The following TNRC6B variants were observed in gnomAD, a reference collection of about 807,000 sequenced individuals.
TNRC6B encodes the protein trinucleotide repeat containing adaptor 6B.
TNRC6B carries 52 observed loss-of-function variants against 203.6 expected under a neutral mutation model. The observed-to-expected ratio is 0.26, with a 90% CI of 0.20 to 0.32. The LOEUF is 0.32. Ranked by LOEUF, TNRC6B falls within the 10% of genes least tolerant of loss-of-function variation. The pLI, the probability that TNRC6B is intolerant of heterozygous loss-of-function variation, is 1.00. For synonymous variants in TNRC6B, 838 were observed against 845.7 expected (o/e 0.99, Z 0.16); for missense variants, 1,923 against 2,286.2 (o/e 0.84, Z 3.24).
At chr22:40,176,964 G>A (rs1287475795), upstream of TNRC6B, among the ~76,000 whole-genome samples, 1 of 152,188 alleles carries the variant, frequency 6.6e-6, no homozygotes, top group Non-Finnish European at 1.5e-5. Flanking sequence ...GGCTACCAAT[G>A]AGAAAACGGA....
At chr22:40,246,555 TG>T (rs2070110037) in intron 2 of TNRC6B, among the ~76,000 whole-genome samples, 1 of 152,158 alleles carries the variant, frequency 6.6e-6, no homozygotes, top group Non-Finnish European at 1.5e-5. Flanking sequence ...TATTTGGAAG[TG>T]GGAGAAAGTT....
chr22:40,278,998 C>T (rs1048076378), intron 9 of TNRC6B, among the ~76,000 whole-genome samples: 1 of 152,372 alleles, frequency 6.6e-6, no homozygotes, highest in East Asian at 1.9e-4. Context: ...TCCTCGCCTT[C>T]CCAAAGTGCT....
At chr22:40,144,366 CACT>C (rs1298185718) in intron 3 of TNRC6B, among the ~76,000 whole-genome samples, 2 of 152,160 alleles carry the variant, frequency 1.3e-5, no homozygotes, top group African/African-American at 4.8e-5. Context: ...TGCAGTGGAA[CACT>C]ACTAAGTTTA....
intron 15 of TNRC6B, among the ~76,000 whole-genome samples, chr22:40,302,260 C>A (rs148157428): frequency 1.1e-3 from 173 of 152,120 alleles, no homozygotes; most frequent in African/African-American, 4.0e-3. Flanking sequence ...GAAAAGATAC[C>A]ACACACCATC....
At chr22:40,166,777 C>A (rs1601853855) in intron 4 of TNRC6B, among the ~76,000 whole-genome samples, 1 of 152,044 alleles carries the variant, frequency 6.6e-6, no homozygotes, top group South Asian at 2.1e-4. Flanking sequence ...CATCTGTAAT[C>A]CCAGCTACTC....
At chr22:40,315,805 G>A in intron 20 of TNRC6B, 137 bp from the exon 21 acceptor site, 4 of 717,750 alleles carry the variant, frequency 5.6e-6, no homozygotes, top group Non-Finnish European at 9.3e-6. Context: ...AAGAGAAAAA[G>A]AAGGTCAGAG....
In TNRC6B at chr22:40,252,036, A is replaced by G. The variant is rs117837381; in HGVS notation, c.115+836A>G. Among the ~76,000 whole-genome samples the G allele has an allele frequency of 1.2e-3, 181 of 152,282 alleles. 3 individuals are homozygous for G. The highest frequency in any genetic ancestry group is 3.8e-3 in the African/African-American group (157 of 41,548). Reference sequence around the variant, plus strand: ...GTGCCCCTTGGGTCATTCTCAATCTAATAGTCCATGTTGTTTTGGCTTCTT... The same window carrying G: ...GTGCCCCTTGGGTCATTCTCAATCTGATAGTCCATGTTGTTTTGGCTTCTT... On this transcript the variant is annotated intron_variant, in intron 3 of 22. Transcript: ENST00000454349.
At chr22:40,154,184 C>T (rs575053708) in intron 3 of TNRC6B, among the ~76,000 whole-genome samples, 2 of 152,152 alleles carry the variant, frequency 1.3e-5, no homozygotes, top group Non-Finnish European at 2.9e-5. Context: ...AAAGCATGGG[C>T]TGGGCGCATT....
chr22:40,233,134 T>C (rs5750908), intron 1 of TNRC6B, among the ~76,000 whole-genome samples: 49,314 of 150,832 alleles, frequency 0.33, 9,635 homozygotes, highest in East Asian at 0.57. Flanking sequence ...CAGAGTAAGA[T>C]TCCGTCTCAA....
Position 40,276,349 on chromosome 22 carries a change from A to C in TNRC6B, c.3142-728A>C, listed in dbSNP as rs150515334. ...GTGACAGAGAAAAAAAAAAAAAAAG[A>C]TAGCTATCATCACAACATAGAGAAT... On this transcript the variant is annotated intron_variant, in intron 7 of 22. Coordinates refer to ENST00000454349, the MANE Select transcript of TNRC6B (RefSeq NM_001162501.2). 5.1e-3 allele frequency among the ~76,000 whole-genome samples: 780 copies of C among 151,736 alleles called. 5 individuals carry two copies. The highest frequency in any genetic ancestry group is 0.018 in the African/African-American group (748 of 41,416).
Position 40,323,280 on chromosome 22 carries a change from G to C in TNRC6B, c.*39G>C. 3 of 1,577,842 alleles carry C rather than the reference G, an allele frequency of 1.9e-6. No homozygotes were observed. Among genetic ancestry groups the C allele is most frequent in the Non-Finnish European group, 2.6e-6 (3 of 1,168,506 alleles). On this transcript the variant is annotated 3_prime_UTR_variant, in exon 23 of 23. Transcript: ENST00000454349. The stretch of plus-strand genomic sequence containing the variant: ...AACTCTGACCTCGTGACCTTTTTTG[G>C]AACAGCAGCAGCACTAACTTGACCT...
At chr22:40,286,769 G>A (rs955479803) in intron 12 of TNRC6B, among the ~76,000 whole-genome samples, 2 of 152,314 alleles carry the variant, frequency 1.3e-5, no homozygotes, top group Admixed American at 6.5e-5. Context: ...AAAGGTGAGA[G>A]ATTTGTGTTA....
intron 1 of TNRC6B, among the ~76,000 whole-genome samples, chr22:40,222,987 G>GCCAC (rs2069735240): frequency 6.6e-6 from 1 of 151,726 alleles, no homozygotes; most frequent in Non-Finnish European, 1.5e-5. Context: ...ACTTGAGCAG[G>GCCAC]CCACCCGCCT....
chr22:40,148,528 C>T (rs1340932302), intron 3 of TNRC6B, among the ~76,000 whole-genome samples: 3 of 152,054 alleles, frequency 2.0e-5, no homozygotes, highest in Non-Finnish European at 2.9e-5. Context: ...GTGATCTGCC[C>T]GCCTTGCCCC....
At chr22:40,259,501 C>T (rs1001871330) in intron 3 of TNRC6B, among the ~76,000 whole-genome samples, 7 of 152,150 alleles carry the variant, frequency 4.6e-5, no homozygotes, top group African/African-American at 1.7e-4. Flanking sequence ...GGATTACAGG[C>T]GTGAGCCATC....
At chr22:40,137,135 A>C (rs906859061) in intron 3 of TNRC6B, among the ~76,000 whole-genome samples, 1 of 152,256 alleles carries the variant, frequency 6.6e-6, no homozygotes, top group Non-Finnish European at 1.5e-5. Context: ...TAGGGGATGC[A>C]GAGAAAAAAG....
At chr22:40,075,154 ATATTTTT>A (rs1380215476) in intron 1 of TNRC6B, among the ~76,000 whole-genome samples, 57 of 55,372 alleles carry the variant, frequency 1.0e-3, no homozygotes, top group African/African-American at 3.7e-3. Context: ...ATATATATAT[ATATTTTT>A]TTTTTTTTTT....
At chr22:40,308,393 G>T in intron 15 of TNRC6B, 119 bp from the exon 16 acceptor site, 1 of 1,169,654 alleles carries the variant, frequency 8.5e-7, no homozygotes. Flanking sequence ...ACCTGTTTCT[G>T]AGTGGAGAAA....
chr22:40,280,779 A>G (rs2063637490), intron 10 of TNRC6B, among the ~76,000 whole-genome samples: 1 of 152,232 alleles, frequency 6.6e-6, no homozygotes, highest in African/African-American at 2.4e-5. Context: ...ACAGCAACAT[A>G]TTCACAAGAT....
Sources: gnomAD v4.1 joint callset for allele counts (sites outside exome capture counted in the v4.1 genomes callset) on GRCh38, gnomAD v4.1.1 for gene constraint, MANE v1.5 for transcripts, NCBI Gene and HGNC (gene_info 2026-07-23, HGNC 2026-07-21) for gene names.